Variants in FRMD6 observed in about 807,000 individuals in gnomAD.
The protein encoded by FRMD6 is FERM domain containing 6.
In FRMD6, 37 loss-of-function variants were observed where a neutral mutation model predicts 73.2. That is an observed-to-expected ratio of 0.51 (90% CI 0.39 to 0.66). The LOEUF (loss-of-function observed/expected upper bound fraction) is 0.66. Among genes scored for constraint, FRMD6 ranks in the 30% least tolerant of loss-of-function variants. The pLI, the probability that FRMD6 is intolerant of heterozygous loss-of-function variation, is 0.00. For synonymous variants in FRMD6, 273 were observed against 282.2 expected (o/e 0.97, Z 0.33); for missense variants, 714 against 780.5 (o/e 0.91, Z 1.02).
intron 1 of FRMD6, among the ~76,000 whole-genome samples, chr14:51,559,889 T>A (rs113304259): frequency 1.7e-3 from 253 of 152,326 alleles, no homozygotes; most frequent in African/African-American, 5.8e-3. Flanking sequence ...AGCACAGTCA[T>A]GTTCATAGGT....
the FRMD6 span, among the ~76,000 whole-genome samples, chr14:51,459,884 C>CTCTTTTTTTTTT: frequency 1.3e-5 from 1 of 74,650 alleles, no homozygotes; most frequent in African/African-American, 5.8e-5. Context: ...TACTGACTCT[C>CTCTTTTTTTTTT]TTTTTTTTTT....
intron 4 of FRMD6, among the ~76,000 whole-genome samples, chr14:51,702,290 G>C (rs1189787038): frequency 6.6e-6 from 1 of 151,936 alleles, no homozygotes. Context: ...TCAGATAGAA[G>C]GATGGTGCCC....
chr14:51,660,213 T>G (rs966163172), intron 1 of FRMD6, among the ~76,000 whole-genome samples: 6 of 152,256 alleles, frequency 3.9e-5, no homozygotes, highest in African/African-American at 1.2e-4. Flanking sequence ...CTGAATACTT[T>G]GTGCAATTTC....
chr14:51,602,544 AAAT>A (rs1366384418), intron 2 of FRMD6, among the ~76,000 whole-genome samples: 1 of 152,230 alleles, frequency 6.6e-6, no homozygotes, highest in Non-Finnish European at 1.5e-5. Context: ...TCTATAAATA[AAAT>A]TTTGTTGAAA....
chr14:51,632,469 C>T (rs892904984), intron 2 of FRMD6, among the ~76,000 whole-genome samples: 2 of 152,178 alleles, frequency 1.3e-5, no homozygotes, highest in Non-Finnish European at 2.9e-5. Context: ...AAGAGAGATG[C>T]TGTGTGTTGT....
chr14:51,689,823 G>T lies in FRMD6; in HGVS notation c.-14G>T, dbSNP rs371970617. On this transcript the variant is annotated 5_prime_UTR_variant, in exon 2 of 14. Transcript: ENST00000344768. ...CCAGAGCCCAGCCCTGACCACCAGA[G>T]TGCCCAAAACACAATGAACAAATTG... 1 of 1,565,132 alleles carries T rather than the reference G, an allele frequency of 6.4e-7. No individual in the cohort carries two copies. The highest frequency in any genetic ancestry group is 1.4e-5 in the African/African-American group (1 of 73,934).
At chr14:51,493,657 T>C (rs1269423362) in intron 1 of FRMD6, among the ~76,000 whole-genome samples, 2 of 152,224 alleles carry the variant, frequency 1.3e-5, no homozygotes, top group African/African-American at 4.8e-5. Flanking sequence ...GTGTGAGAAC[T>C]AATACACGAG....
At chr14:51,559,858 AGT>A (rs1174585317) in intron 1 of FRMD6, among the ~76,000 whole-genome samples, 1 of 152,210 alleles carries the variant, frequency 6.6e-6, no homozygotes, top group Non-Finnish European at 1.5e-5. Context: ...TTTTTCTGGA[AGT>A]TTTTCAGAAG....
At chr14:51,438,641 A>G in the FRMD6 span, among the ~76,000 whole-genome samples, 3 of 152,352 alleles carry the variant, frequency 2.0e-5, no homozygotes, top group East Asian at 5.8e-4. Flanking sequence ...GCTGGGAAAC[A>G]TGGGTACCAT....
chr14:51,440,970 A>G, the FRMD6 span, among the ~76,000 whole-genome samples: 2 of 152,224 alleles, frequency 1.3e-5, no homozygotes, highest in South Asian at 2.1e-4. Context: ...AAAGTTCTGC[A>G]ACTTTTAGAT....
chr14:51,588,694 G>A (rs1596667316), intron 2 of FRMD6, among the ~76,000 whole-genome samples: 2 of 152,092 alleles, frequency 1.3e-5, no homozygotes, highest in African/African-American at 2.4e-5. Flanking sequence ...ACTCTGATAT[G>A]CCACCATCTA....
the FRMD6 span, among the ~76,000 whole-genome samples, chr14:51,398,133 A>G: frequency 2.0e-5 from 3 of 152,232 alleles, no homozygotes; most frequent in Admixed American, 6.5e-5. Flanking sequence ...AAAAAATTAT[A>G]AAAGTGAAGA....
chr14:51,581,000 T>C (rs1042956974), intron 2 of FRMD6, among the ~76,000 whole-genome samples: 6 of 152,174 alleles, frequency 3.9e-5, no homozygotes, highest in Admixed American at 3.9e-4. Flanking sequence ...CTTGAGCTAG[T>C]GTGGCCTTCA....
chr14:51,612,829 CA>C (rs1375252971), intron 2 of FRMD6, among the ~76,000 whole-genome samples: 7 of 152,062 alleles, frequency 4.6e-5, no homozygotes, highest in Admixed American at 2.6e-4. Flanking sequence ...GCAGCAAGGA[CA>C]AAAAGTCAGA....
intron 1 of FRMD6, among the ~76,000 whole-genome samples, chr14:51,497,886 C>T (rs528876088): frequency 1.3e-5 from 2 of 152,268 alleles, no homozygotes; most frequent in African/African-American, 2.4e-5. Flanking sequence ...GCCCTTTCAT[C>T]CAGTTGAGAG....
At chr14:51,690,863 T>C (rs547786107) in intron 2 of FRMD6, among the ~76,000 whole-genome samples, 1 of 152,210 alleles carries the variant, frequency 6.6e-6, no homozygotes, top group South Asian at 2.1e-4. Flanking sequence ...TTTTTTTAAC[T>C]TTAAAAAAAT....
chr14:51,514,683 A>T (rs1884519787), intron 1 of FRMD6, among the ~76,000 whole-genome samples: 1 of 152,104 alleles, frequency 6.6e-6, no homozygotes, highest in South Asian at 2.1e-4. Context: ...CCCTGTCTCT[A>T]CTAAAAACAC....
intron 2 of FRMD6, among the ~76,000 whole-genome samples, chr14:51,696,060 A>AG (rs1380078343): frequency 2.0e-5 from 3 of 152,068 alleles, no homozygotes; most frequent in Non-Finnish European, 2.9e-5. Flanking sequence ...TACTAATAAA[A>AG]GGGGAGAATG....
intron 4 of FRMD6, among the ~76,000 whole-genome samples, chr14:51,701,588 A>G (rs1333784529): frequency 6.8e-6 from 1 of 147,364 alleles, no homozygotes; most frequent in African/African-American, 2.5e-5. Flanking sequence ...TATAAAGTAT[A>G]TATAGTATAT....
Sources: allele counts gnomAD v4.1 joint callset (sites outside exome capture counted in the v4.1 genomes callset), GRCh38; gene constraint gnomAD v4.1.1; transcripts MANE v1.5; gene names NCBI Gene and HGNC (gene_info 2026-07-23, HGNC 2026-07-21).